FSTL5: variants seen among roughly 807,000 people sequenced by gnomAD.
FSTL5 encodes follistatin-related protein 5.
In FSTL5, 62 loss-of-function variants were observed where a neutral mutation model predicts 89.1. The ratio of observed to expected loss-of-function variants is 0.70; its 90% CI spans 0.57 to 0.86. The LOEUF (loss-of-function observed/expected upper bound fraction) is 0.86. FSTL5 is among the 40% of genes least tolerant of loss of function. The pLI is 0.00. For synonymous variants in FSTL5, 383 were observed against 346.2 expected, an observed-to-expected ratio of 1.11 and a Z score of -1.18; for missense variants, 1,057 against 1,001.6, an observed-to-expected ratio of 1.06 and a Z score of -0.75.
chr4:161,731,373 C>T (rs1739604983), intron 6 of FSTL5, among the ~76,000 whole-genome samples: 1 of 152,036 alleles, frequency 6.6e-6, no homozygotes, highest in Non-Finnish European at 1.5e-5. Flanking sequence ...GGCGAGGGGC[C>T]TAATGGGAGG....
chr4:161,784,806 ATGGCG>A (rs1741825689), intron 4 of FSTL5, among the ~76,000 whole-genome samples: 2 of 147,380 alleles, frequency 1.4e-5, no homozygotes, highest in East Asian at 4.2e-4. Context: ...AGGCAGGAGA[ATGGCG>A]TGAACCCAGG....
chr4:161,482,012 T>A (rs1369277827), intron 12 of FSTL5, among the ~76,000 whole-genome samples: 1 of 152,130 alleles, frequency 6.6e-6, no homozygotes, highest in Admixed American at 6.5e-5. Flanking sequence ...GAGAGACTGG[T>A]TAAAATGTAC....
At chr4:161,944,901 T>C (rs965316639) in intron 3 of FSTL5, among the ~76,000 whole-genome samples, 2 of 151,636 alleles carry the variant, frequency 1.3e-5, no homozygotes, top group African/African-American at 2.4e-5. Flanking sequence ...TGAATGTTTA[T>C]AATATTCAAA....
Position 161,807,196 on chromosome 4 carries a change from T to TACACACACACACACACAC in FSTL5, c.410-31140_410-31123dup, listed in dbSNP as rs10561299. Reference sequence around the variant, plus strand: ...CGACTATTTGAAGAACACATGAGAATACACACACACACACACACACACACA... The same window carrying TACACACACACACACACAC: ...CGACTATTTGAAGAACACATGAGAATACACACACACACACACACACACACACACACACACACACACACA... On this transcript the variant is annotated intron_variant, in intron 4 of 15. Coordinates refer to ENST00000306100, the MANE Select transcript of FSTL5 (RefSeq NM_020116.5). Among the ~76,000 whole-genome samples, 352 of 146,624 alleles carry TACACACACACACACACAC rather than the reference T, an allele frequency of 2.4e-3. 1 individual carries two copies. Among genetic ancestry groups the TACACACACACACACACAC allele is most frequent in the South Asian group, 8.3e-3 (38 of 4,590 alleles).
At chr4:162,082,741 T>C (rs1384264286) in intron 2 of FSTL5, among the ~76,000 whole-genome samples, 2 of 151,598 alleles carry the variant, frequency 1.3e-5, no homozygotes, top group African/African-American at 4.8e-5. Context: ...AATATAAACA[T>C]ATACATCTTC....
Position 161,443,721 on chromosome 4 carries a change from A to G in FSTL5, c.1841+11283T>C, listed in dbSNP as rs1732854171. Reference sequence around the variant, plus strand: ...TAGAGGAGCAGGAAAAGTTGCATGAATTAAGAGTGATACTGAGTTTGGCTA... The same window carrying G: ...TAGAGGAGCAGGAAAAGTTGCATGAGTTAAGAGTGATACTGAGTTTGGCTA... On this transcript the variant is annotated intron_variant, in intron 15 of 15. Transcript: ENST00000306100. 2.0e-5 allele frequency among the ~76,000 whole-genome samples: 3 copies of G among 152,060 alleles called. No individual in the cohort carries two copies. In the South Asian group the frequency reaches 6.2e-4, roughly 32 times the overall value.
At chr4:161,530,141 A>G (rs1260466410) in intron 10 of FSTL5, among the ~76,000 whole-genome samples, 1 of 142,806 alleles carries the variant, frequency 7.0e-6, no homozygotes, top group Non-Finnish European at 1.5e-5. Context: ...ATCAGAATCT[A>G]TTCTATTTCT....
intron 4 of FSTL5, among the ~76,000 whole-genome samples, chr4:161,804,030 C>G (rs1019272173): frequency 6.6e-6 from 1 of 151,948 alleles, no homozygotes; most frequent in Non-Finnish European, 1.5e-5. Flanking sequence ...CTTTTTGTTG[C>G]TATCAGCTGG....
At chr4:161,746,867 C>T (rs878856953) in intron 6 of FSTL5, among the ~76,000 whole-genome samples, 13 of 152,124 alleles carry the variant, frequency 8.5e-5, no homozygotes, top group Admixed American at 7.9e-4. Context: ...CTCCCCCAGT[C>T]CCCCAAATGC....
At chr4:162,045,074 C>G (rs1430267642) in intron 2 of FSTL5, among the ~76,000 whole-genome samples, 1 of 152,166 alleles carries the variant, frequency 6.6e-6, no homozygotes, top group African/African-American at 2.4e-5. Context: ...GTACTCACAA[C>G]TTGGCTAAAT....
Position 162,093,735 on chromosome 4 carries a change from A to T in FSTL5, c.126+17536T>A, listed in dbSNP as rs566497546. Among the ~76,000 whole-genome samples the T allele has an allele frequency of 2.0e-5, 3 of 152,300 alleles. 1 individual carries two copies. The South Asian group carries it at 6.2e-4, about 32-fold the overall frequency. ...TGTCATTAAGAAAAGTTTTAACCAC[A>T]AACTTCTGTGATTTGTTTATCATTT... On this transcript the variant is annotated intron_variant, in intron 2 of 15. Coordinates refer to ENST00000306100, the MANE Select transcript of FSTL5 (RefSeq NM_020116.5).
intron 13 of FSTL5, among the ~76,000 whole-genome samples, chr4:161,480,464 A>G (rs1035804911): frequency 2.0e-5 from 3 of 152,210 alleles, no homozygotes; most frequent in African/African-American, 4.8e-5. Context: ...CAGTGGCTCA[A>G]ACTTGAAGTA....
At chr4:161,499,946 A>T in intron 12 of FSTL5, 70 bp downstream of exon 12, 1 of 870,640 alleles carries the variant, frequency 1.1e-6, no homozygotes. Context: ...GTTTTGTTAT[A>T]TTTCCAAAAC....
intron 4 of FSTL5, among the ~76,000 whole-genome samples, chr4:161,807,409 A>G (rs980313126): frequency 6.6e-6 from 1 of 152,156 alleles, no homozygotes; most frequent in Non-Finnish European, 1.5e-5. Flanking sequence ...TGGGAGATAC[A>G]GTTGACCTGG....
At chr4:162,047,216 G>A (rs1677643753) in intron 2 of FSTL5, among the ~76,000 whole-genome samples, 1 of 151,974 alleles carries the variant, frequency 6.6e-6, no homozygotes, top group African/African-American at 2.4e-5. Context: ...GCTCACCCTG[G>A]GAGACAGAGA....
At chr4:161,898,186 T>C (rs1179331459) in intron 4 of FSTL5, among the ~76,000 whole-genome samples, 2 of 149,190 alleles carry the variant, frequency 1.3e-5, no homozygotes, top group African/African-American at 4.9e-5. Flanking sequence ...TATAAATATA[T>C]TTTAAAATAC....
intron 3 of FSTL5, among the ~76,000 whole-genome samples, chr4:161,945,821 T>C (rs1734718637): frequency 6.6e-6 from 1 of 152,148 alleles, no homozygotes; most frequent in African/African-American, 2.4e-5. Context: ...TTAAAAAATG[T>C]ACTCAGGTGA....
At chr4:161,577,505 G>A (rs1203527576) in intron 8 of FSTL5, among the ~76,000 whole-genome samples, 4 of 147,840 alleles carry the variant, frequency 2.7e-5, no homozygotes, top group Non-Finnish European at 4.5e-5. Flanking sequence ...AACAAGATGT[G>A]GTGTATAATT....
chr4:161,980,626 G>T (rs943828418), intron 3 of FSTL5, among the ~76,000 whole-genome samples: 1 of 151,860 alleles, frequency 6.6e-6, no homozygotes, highest in African/African-American at 2.4e-5. Context: ...GAAATTAAGG[G>T]AAAGTGAGTA....
Sources: allele counts gnomAD v4.1 joint callset (sites outside exome capture counted in the v4.1 genomes callset), GRCh38; gene constraint gnomAD v4.1.1; transcripts MANE v1.5; gene names NCBI Gene and HGNC (gene_info 2026-07-23, HGNC 2026-07-21).